Variants in DPP10 observed in about 807,000 individuals in gnomAD.
The protein encoded by DPP10 is inactive dipeptidyl peptidase 10.
A neutral mutation model predicts 120.9 loss-of-function variants in DPP10; 33 were observed. The observed-to-expected ratio is 0.27, with a 90% CI of 0.21 to 0.37. The LOEUF (loss-of-function observed/expected upper bound fraction) is 0.37, where lower values mean the gene tolerates loss of function less well. Ranked by LOEUF, DPP10 falls within the 10% of genes least tolerant of loss-of-function variation. The pLI, the probability that DPP10 is intolerant of heterozygous loss-of-function variation, is 1.00. For missense variants in DPP10, 816 were observed against 942.8 expected (o/e 0.87, Z 1.76); for synonymous variants, 337 against 326.1 (o/e 1.03, Z -0.36).
chr2:114,524,817 GT>G (rs1340972215), intron 1 of DPP10, among the ~76,000 whole-genome samples: 1 of 152,182 alleles, frequency 6.6e-6, no homozygotes, highest in East Asian at 1.9e-4. Context: ...CCTACCTCCT[GT>G]TTGTTTGTTT....
At chr2:114,974,165 G>A (rs1360794215) in intron 1 of DPP10, among the ~76,000 whole-genome samples, 1 of 152,156 alleles carries the variant, frequency 6.6e-6, no homozygotes, top group Non-Finnish European at 1.5e-5. Context: ...GAACAGTAAT[G>A]TCCTAGGCCC....
intron 1 of DPP10, among the ~76,000 whole-genome samples, chr2:114,942,287 GTATATATATACATATATATA>G (rs1424158508): frequency 8.9e-6 from 1 of 112,804 alleles, no homozygotes; most frequent in East Asian, 2.8e-4. Flanking sequence ...AAAAAAATGT[GTATATATATACATATATATA>G]TATATATATA....
chr2:114,627,339 A>G (rs753552337), intron 1 of DPP10, among the ~76,000 whole-genome samples: 3 of 152,184 alleles, frequency 2.0e-5, no homozygotes, highest in Non-Finnish European at 2.9e-5. Context: ...TTCAAGCAGT[A>G]GTTCCCTGAC....
chr2:115,733,323 C>T (rs1018121377), intron 8 of DPP10, among the ~76,000 whole-genome samples: 6 of 152,130 alleles, frequency 3.9e-5, no homozygotes, highest in African/African-American at 1.4e-4. Flanking sequence ...AGCACTTGCT[C>T]AGTGTCATCT....
At chr2:115,827,873 A>C (rs200972575) in intron 21 of DPP10, among the ~76,000 whole-genome samples, 1 of 57,488 alleles carries the variant, frequency 1.7e-5, no homozygotes, top group African/African-American at 3.3e-5. Flanking sequence ...CTGGGATTAC[A>C]GGCATGAGCC....
intron 3 of DPP10, among the ~76,000 whole-genome samples, chr2:115,423,619 A>G: frequency 6.6e-6 from 1 of 152,156 alleles, no homozygotes; most frequent in East Asian, 1.9e-4. Flanking sequence ...AGGATGTCCT[A>G]AAATGAGTTA....
At chr2:114,896,159 A>G (rs2106634111) in intron 1 of DPP10, among the ~76,000 whole-genome samples, 1 of 152,304 alleles carries the variant, frequency 6.6e-6, no homozygotes, top group East Asian at 1.9e-4. Flanking sequence ...GTTTGAAGTC[A>G]GGTAGCGTGA....
At chr2:115,252,903 C>T (rs1574173476) in intron 1 of DPP10, among the ~76,000 whole-genome samples, 1 of 152,170 alleles carries the variant, frequency 6.6e-6, no homozygotes, top group East Asian at 1.9e-4. Context: ...TTTATTTTGA[C>T]CCATAGTTCC....
chr2:115,384,549 AGAAGAAGAG>A (rs1371915846), intron 3 of DPP10, among the ~76,000 whole-genome samples: 12 of 80,724 alleles, frequency 1.5e-4, no homozygotes, highest in African/African-American at 4.0e-4. Flanking sequence ...AGAAGAAGGA[AGAAGAAGAG>A]GAAGAAGAAG....
In DPP10 at chr2:115,004,604, G is replaced by C. The variant is rs541648028; in HGVS notation, c.61-304635G>C. Among the ~76,000 whole-genome samples the C allele has an allele frequency of 9.2e-4, 140 of 152,324 alleles. 1 individual carries two copies. The highest frequency in any genetic ancestry group is 3.2e-3 in the African/African-American group (134 of 41,572). On this transcript the variant is annotated intron_variant, in intron 1 of 25. Coordinates refer to ENST00000410059, the MANE Select transcript of DPP10 (RefSeq NM_020868.6). ...CCCTTTCCTAATCAAAGAAAGGGGT[G>C]ATGGACGGCACCTGGAAAATCGGGT...
intron 1 of DPP10, among the ~76,000 whole-genome samples, chr2:115,264,115 G>C (rs1403435787): frequency 6.6e-6 from 1 of 152,164 alleles, no homozygotes; most frequent in Admixed American, 6.5e-5. Flanking sequence ...GGCTTTTCAA[G>C]AGTGTTAACA....
chr2:114,516,884 G>A (rs1268449845), intron 1 of DPP10, among the ~76,000 whole-genome samples: 1 of 152,090 alleles, frequency 6.6e-6, no homozygotes, highest in Admixed American at 6.5e-5. Context: ...TCAGCTTTTA[G>A]GTAATATTTG....
chr2:115,838,798 GCACA>G (rs1268306948), intron 24 of DPP10, among the ~76,000 whole-genome samples: 1 of 151,788 alleles, frequency 6.6e-6, no homozygotes, highest in African/African-American at 2.4e-5. Flanking sequence ...ACACACATAG[GCACA>G]CACACACAGG....
intron 1 of DPP10, among the ~76,000 whole-genome samples, chr2:115,037,247 A>G (rs1169712874): frequency 6.6e-6 from 1 of 152,226 alleles, no homozygotes; most frequent in Non-Finnish European, 1.5e-5. Flanking sequence ...TACGTAATAA[A>G]AAACTAAAAG....
At chr2:114,456,705 G>C (rs946711932) in intron 1 of DPP10, among the ~76,000 whole-genome samples, 2 of 152,186 alleles carry the variant, frequency 1.3e-5, no homozygotes, top group Non-Finnish European at 2.9e-5. Context: ...GAGAGTGGTT[G>C]TGATTACACG....
At chr2:115,134,419 A>G (rs912264589) in intron 1 of DPP10, among the ~76,000 whole-genome samples, 1 of 152,210 alleles carries the variant, frequency 6.6e-6, no homozygotes, top group African/African-American at 2.4e-5. Flanking sequence ...TAGACTGCCT[A>G]ATGTTGATAT....
chr2:115,655,125 TGGGTTGAAATCTG>T (rs1468231312), intron 5 of DPP10, among the ~76,000 whole-genome samples: 1 of 151,736 alleles, frequency 6.6e-6, no homozygotes, highest in Non-Finnish European at 1.5e-5. Context: ...GAGATGAAGT[TGGGTTGAAATCTG>T]GAATTCAAGA....
chr2:115,399,337 CAAT>C (rs772174095), intron 3 of DPP10, among the ~76,000 whole-genome samples: 25 of 152,230 alleles, frequency 1.6e-4, no homozygotes, highest in Non-Finnish European at 2.8e-4. Flanking sequence ...CAACAACACA[CAAT>C]AATAATAGTA....
At chr2:115,007,019 T>A (rs1281236599) in intron 1 of DPP10, among the ~76,000 whole-genome samples, 1 of 151,852 alleles carries the variant, frequency 6.6e-6, no homozygotes, top group Non-Finnish European at 1.5e-5. Context: ...ACAAACTATC[T>A]CTCAGACCAC....
Sources: gnomAD v4.1 joint callset for allele counts (sites outside exome capture counted in the v4.1 genomes callset) on GRCh38, gnomAD v4.1.1 for gene constraint, MANE v1.5 for transcripts, NCBI Gene and HGNC (gene_info 2026-07-23, HGNC 2026-07-21) for gene names.